Variants in KDM2B observed in about 807,000 individuals in gnomAD.
KDM2B encodes lysine demethylase 2B, also known as lysine-specific demethylase 2B.
A neutral mutation model predicts 150.0 loss-of-function variants in KDM2B; 26 were observed. That is an observed-to-expected ratio of 0.17 (90% CI 0.13 to 0.24). KDM2B has a LOEUF of 0.24. Ranked by LOEUF, KDM2B falls within the 10% of genes least tolerant of loss-of-function variation. The pLI is 1.00. For missense variants in KDM2B, 1,265 were observed against 1,816.9 expected (o/e 0.70, Z 5.52); for synonymous variants, 734 against 729.5 (o/e 1.01, Z -0.10).
chr12:121,574,061 C>T (rs1891315107), intron 4 of KDM2B, among the ~76,000 whole-genome samples: 1 of 152,142 alleles, frequency 6.6e-6, no homozygotes, highest in Non-Finnish European at 1.5e-5. Context: ...GGCCGAGCGT[C>T]CAGAGTACTA....
At position 121,521,063 on chromosome 12, in the gene KDM2B, C is replaced by T. The variant is rs1886642598; in HGVS notation, c.969G>A (p.Leu323=). ...TGTGCAGGATGTTTCCGCCGAACACCAAAGAGTCTACAGGGGTGTAGACGG... is the reference window on the plus strand; with the variant it reads ...TGTGCAGGATGTTTCCGCCGAACACTAAAGAGTCTACAGGGGTGTAGACGG... ...IHAVYTPVDS[L]VFGGNILHSF... The change falls in exon 9 of 23, where the codon TTG becomes TTA. Residue 323 remains leucine, a synonymous_variant. Coordinates refer to ENST00000377071, the MANE Select transcript of KDM2B (RefSeq NM_032590.5). This position sits in a 1 kb window ranked among gnomAD's most constrained non-coding sequence, Gnocchi z 4.9. The T allele has an allele frequency of 1.9e-6, 3 of 1,613,948 alleles. No homozygotes were observed. Among genetic ancestry groups the T allele is most frequent in the Non-Finnish European group, 1.7e-6 (2 of 1,179,950 alleles).
At chr12:121,553,947 C>A (rs1226995899) in intron 4 of KDM2B, among the ~76,000 whole-genome samples, 1 of 151,750 alleles carries the variant, frequency 6.6e-6, no homozygotes, top group Non-Finnish European at 1.5e-5. Context: ...CACCTGTAAT[C>A]CCAACAGTTT....
chr12:121,444,709 G>A, intron 14 of KDM2B, 173 bp from the exon 15 acceptor site: 1 of 640,318 alleles, frequency 1.6e-6, no homozygotes, highest in Non-Finnish European at 2.8e-6. Flanking sequence ...GAGACGGGCA[G>A]CTGTGGATCC....
downstream of KDM2B, among the ~76,000 whole-genome samples, chr12:121,424,756 G>C (rs1299175886): frequency 6.6e-6 from 1 of 151,804 alleles, no homozygotes; most frequent in African/African-American, 2.4e-5. Context: ...TGCCACATGA[G>C]CAACAGTGCT....
At chr12:121,556,297 C>A (rs1257734742) in intron 4 of KDM2B, among the ~76,000 whole-genome samples, 4 of 152,080 alleles carry the variant, frequency 2.6e-5, no homozygotes, top group Non-Finnish European at 5.9e-5. Context: ...ACATGGCTCA[C>A]TGTAGCCTCA....
chr12:121,538,725 A>G (rs1888366571), intron 6 of KDM2B, among the ~76,000 whole-genome samples: 1 of 152,134 alleles, frequency 6.6e-6, no homozygotes, highest in Non-Finnish European at 1.5e-5. Flanking sequence ...AAGCACAGGG[A>G]GGCTTGTGAC....
intron 6 of KDM2B, among the ~76,000 whole-genome samples, chr12:121,540,445 T>C (rs1888517983): frequency 6.6e-6 from 1 of 152,014 alleles, no homozygotes; most frequent in Admixed American, 6.6e-5. Context: ...GAAGGAGGGT[T>C]GACTGAAAAG....
intron 11 of KDM2B, among the ~76,000 whole-genome samples, chr12:121,508,797 G>A (rs1263569545): frequency 2.0e-5 from 3 of 152,176 alleles, no homozygotes; most frequent in East Asian, 1.9e-4. Context: ...CAAACTGCAC[G>A]CAGCTACATA....
the KDM2B span, chr12:121,420,277 T>C: frequency 6.3e-7 from 1 of 1,582,396 alleles, no homozygotes; most frequent in Non-Finnish European, 8.5e-7. Context: ...ACACAGAAGA[T>C]GATGATGACG....
intron 12 of KDM2B, among the ~76,000 whole-genome samples, chr12:121,489,824 G>A (rs1349425443): frequency 2.0e-5 from 3 of 152,212 alleles, no homozygotes; most frequent in African/African-American, 7.2e-5. Context: ...CCAGGAAGCT[G>A]TATTTTTTCA....
chr12:121,520,927 G>A lies in KDM2B; in HGVS notation c.1047+58C>T, dbSNP rs1282770770. The A allele has an allele frequency of 1.4e-5, 19 of 1,317,454 alleles. No homozygotes were observed. The highest frequency in any genetic ancestry group is 2.0e-5 in the Non-Finnish European group (18 of 915,086). The allele number at this position is 1,317,454 out of a possible 1,614,324, so 81.6% of individuals were successfully genotyped here. The stretch of plus-strand genomic sequence containing the variant: ...CAGTATGACCTGTCCCACACACCGA[G>A]CACCGGCAGAGCTCAGGGGCCAGGC... On this transcript the variant is annotated intron_variant, in intron 9 of 22. Coordinates refer to ENST00000377071, the MANE Select transcript of KDM2B (RefSeq NM_032590.5). The surrounding 1 kb of genome is among the most constrained non-coding windows in gnomAD (Gnocchi z 4.5).
intron 12 of KDM2B, among the ~76,000 whole-genome samples, chr12:121,477,713 G>A (rs1196771478): frequency 2.6e-5 from 4 of 151,620 alleles, no homozygotes; most frequent in Non-Finnish European, 5.9e-5. Context: ...GAGTAGCTGG[G>A]ATTATAGGTG....
chr12:121,532,585 T>C (rs1346325718), intron 8 of KDM2B, among the ~76,000 whole-genome samples: 3 of 152,130 alleles, frequency 2.0e-5, no homozygotes, highest in African/African-American at 7.2e-5. Flanking sequence ...CCCAAGGCCT[T>C]CTCCAAGGGA....
At chr12:121,481,382 G>A (rs1313018216) in intron 12 of KDM2B, among the ~76,000 whole-genome samples, 1 of 152,066 alleles carries the variant, frequency 6.6e-6, no homozygotes, top group Non-Finnish European at 1.5e-5. Flanking sequence ...GTAACATGAA[G>A]CAAAAATAAG....
At chr12:121,527,504 G>T (rs1488946087) in intron 8 of KDM2B, among the ~76,000 whole-genome samples, 2 of 150,028 alleles carry the variant, frequency 1.3e-5, no homozygotes, top group African/African-American at 2.4e-5. Context: ...TACAAAAAAA[G>T]TTAGCCGGGC....
At chr12:121,562,241 G>T (rs1328855861) in intron 4 of KDM2B, among the ~76,000 whole-genome samples, 1 of 151,514 alleles carries the variant, frequency 6.6e-6, no homozygotes, top group Non-Finnish European at 1.5e-5. Flanking sequence ...CCAGCTCTTT[G>T]GGAGGCCAAG....
At chr12:121,543,225 G>A (rs1888744749) in intron 6 of KDM2B, among the ~76,000 whole-genome samples, 1 of 152,082 alleles carries the variant, frequency 6.6e-6, no homozygotes, top group Non-Finnish European at 1.5e-5. Flanking sequence ...GTGTAATGGC[G>A]GGAGCCTGTA....
chr12:121,565,981 C>T (rs1391062495), intron 4 of KDM2B, among the ~76,000 whole-genome samples: 1 of 150,840 alleles, frequency 6.6e-6, no homozygotes, highest in Non-Finnish European at 1.5e-5. Context: ...AACTGGACAT[C>T]CATATGGGAA....
At chr12:121,523,655 C>A (rs868944259) in intron 8 of KDM2B, among the ~76,000 whole-genome samples, 1 of 152,232 alleles carries the variant, frequency 6.6e-6, no homozygotes, top group Admixed American at 6.5e-5. Context: ...GACACTCAGC[C>A]GCTGTCCCTT....
Sources: gnomAD v4.1 joint callset for allele counts (sites outside exome capture counted in the v4.1 genomes callset) on GRCh38, gnomAD v4.1.1 for gene constraint, Gnocchi (gnomAD v3.1) non-coding constraint, MANE v1.5 for transcripts, NCBI Gene and HGNC (gene_info 2026-07-23, HGNC 2026-07-21) for gene names.